The following SLC24A3 variants were observed in gnomAD, a reference collection of about 807,000 sequenced individuals.
SLC24A3 encodes the protein sodium/potassium/calcium exchanger 3.
A neutral mutation model predicts 75.8 loss-of-function variants in SLC24A3; 28 were observed. The observed-to-expected ratio is 0.37, with a 90% confidence interval of 0.27 to 0.51. SLC24A3 has a LOEUF of 0.51. Among genes scored for constraint, SLC24A3 ranks in the 20% least tolerant of loss-of-function variants. SLC24A3 has a pLI of 0.94. For missense variants in SLC24A3, 663 were observed against 847.8 expected (o/e 0.78, Z 2.71); for synonymous variants, 372 against 334.1 (o/e 1.11, Z -1.24).
intron 15 of SLC24A3, among the ~76,000 whole-genome samples, chr20:19,701,599 G>T (rs147432116): frequency 6.6e-6 from 1 of 152,230 alleles, no homozygotes; most frequent in African/African-American, 2.4e-5. Context: ...ACGTGACAAG[G>T]ATGCCAATGA....
chr20:19,437,502 T>A (rs1600229948), intron 2 of SLC24A3, among the ~76,000 whole-genome samples: 1 of 152,098 alleles, frequency 6.6e-6, no homozygotes, highest in South Asian at 2.1e-4. Context: ...CTTATAGCAA[T>A]GTGAAAATGG....
chr20:19,620,895 G>C (rs1436499251), intron 6 of SLC24A3, among the ~76,000 whole-genome samples: 1 of 152,160 alleles, frequency 6.6e-6, no homozygotes, highest in East Asian at 1.9e-4. Flanking sequence ...GCAAAGCCCA[G>C]ACATTTTTCA....
chr20:19,364,580 G>A (rs1377434598), intron 2 of SLC24A3, among the ~76,000 whole-genome samples: 7 of 152,020 alleles, frequency 4.6e-5, no homozygotes, highest in Non-Finnish European at 1.0e-4. Context: ...TCAGCCTCCC[G>A]AGTAGCTAGG....
chr20:19,699,632 T>G (rs1399016380), intron 15 of SLC24A3, among the ~76,000 whole-genome samples: 1 of 152,212 alleles, frequency 6.6e-6, no homozygotes, highest in Admixed American at 6.5e-5. Flanking sequence ...CAGATTACAT[T>G]CATGGCTAAG....
chr20:19,268,601 G>A (rs565523678), intron 1 of SLC24A3, among the ~76,000 whole-genome samples: 2 of 152,324 alleles, frequency 1.3e-5, no homozygotes, highest in Admixed American at 6.5e-5. Flanking sequence ...TCTGAGACTA[G>A]AAACCCAAAT....
intron 2 of SLC24A3, among the ~76,000 whole-genome samples, chr20:19,510,620 G>C (rs560743043): frequency 6.6e-6 from 1 of 152,178 alleles, no homozygotes; most frequent in Non-Finnish European, 1.5e-5. Flanking sequence ...AGGTGTAAGA[G>C]TGGGACCCCA....
chr20:19,697,846 T>A (rs1274320851), intron 14 of SLC24A3, among the ~76,000 whole-genome samples: 3 of 152,118 alleles, frequency 2.0e-5, no homozygotes, highest in Non-Finnish European at 4.4e-5. Flanking sequence ...AATGGTTGAG[T>A]TTATTCCTTT....
intron 1 of SLC24A3, among the ~76,000 whole-genome samples, chr20:19,248,843 C>T (rs956937132): frequency 3.3e-5 from 5 of 151,112 alleles, no homozygotes; most frequent in African/African-American, 1.2e-4. Flanking sequence ...GTTGTGACAA[C>T]ATGGATGAAC....
At chr20:19,239,682 C>G (rs1214061865) in intron 1 of SLC24A3, among the ~76,000 whole-genome samples, 1 of 152,192 alleles carries the variant, frequency 6.6e-6, no homozygotes, top group Non-Finnish European at 1.5e-5. Flanking sequence ...AGCAGGTAAC[C>G]AATTTGATCC....
In SLC24A3 at chr20:19,681,832, C is replaced by T. The variant is rs1188606470; in HGVS notation, c.768-26C>T. 5 of 1,613,752 alleles carry T rather than the reference C, an allele frequency of 3.1e-6. No individual in the cohort carries two copies. The South Asian group carries it at 3.3e-5, about 11-fold the overall frequency. On this transcript the variant is annotated intron_variant, in intron 9 of 16. Transcript: ENST00000328041. Reference sequence around the variant, plus strand: ...TGGGAGAATGGAAAACACTGATGGACTCTGCCCACTTGTCGCTTTGCTCAG... The same window carrying T: ...TGGGAGAATGGAAAACACTGATGGATTCTGCCCACTTGTCGCTTTGCTCAG...
At position 19,346,093 on chromosome 20, in the gene SLC24A3, A is replaced by ATGGTG. The variant is rs1568595597; in HGVS notation, c.271+65007_271+65008insGGTGT. ...TATATATATATATATATATATATAT[A>ATGGTG]TATATATATATATATGGTGTGTGTG... On this transcript the variant is annotated intron_variant, in intron 2 of 16. Transcript: ENST00000328041. Among the ~76,000 whole-genome samples the ATGGTG allele has an allele frequency of 1.4e-3, 102 of 72,138 alleles. 23 individuals are homozygous for ATGGTG. Among genetic ancestry groups the ATGGTG allele is most frequent in the African/African-American group, 0.012 (101 of 8,378 alleles). 47.3% of individuals were successfully genotyped at this position (72,138 alleles called of 152,430 possible).
intron 2 of SLC24A3, among the ~76,000 whole-genome samples, chr20:19,464,272 C>G (rs3790220): frequency 0.016 from 2,497 of 152,354 alleles, 69 homozygotes; most frequent in East Asian, 0.1. Context: ...GGCTCTGGCT[C>G]ATGACTTCCT....
chr20:19,643,658 G>A lies in SLC24A3; in HGVS notation c.613-10404G>A, dbSNP rs938391833. ...GTAATAATGTATGTAATTTTAGGCA[G>A]GGTCTTACTTCCAAAGCTTAAACTC... On this transcript the variant is annotated intron_variant, in intron 6 of 16. Transcript: ENST00000328041. Among the ~76,000 whole-genome samples, 5 of 152,162 alleles carry A rather than the reference G, an allele frequency of 3.3e-5. 1 individual carries two copies. The highest frequency in any genetic ancestry group is 1.2e-4 in the African/African-American group (5 of 41,428).
chr20:19,479,841 T>C (rs992405363), intron 2 of SLC24A3, among the ~76,000 whole-genome samples: 1 of 152,188 alleles, frequency 6.6e-6, no homozygotes, highest in African/African-American at 2.4e-5. Flanking sequence ...CCATGAATGC[T>C]TAAGGCACAT....
intron 2 of SLC24A3, among the ~76,000 whole-genome samples, chr20:19,361,822 G>T (rs2122341323): frequency 6.6e-6 from 1 of 152,276 alleles, no homozygotes; most frequent in South Asian, 2.1e-4. Flanking sequence ...GAATCTAGGT[G>T]CTGGGTAACA....
At chr20:19,529,183 A>ATG (rs774616249) in intron 3 of SLC24A3, among the ~76,000 whole-genome samples, 3 of 151,972 alleles carry the variant, frequency 2.0e-5, no homozygotes, top group East Asian at 1.9e-4. Context: ...GTGTGTATAT[A>ATG]TGTGTGTGTG....
At chr20:19,280,200 C>A (rs1039679063) in intron 1 of SLC24A3, among the ~76,000 whole-genome samples, 2 of 152,180 alleles carry the variant, frequency 1.3e-5, no homozygotes, top group Non-Finnish European at 2.9e-5. Context: ...TTTCTTCTGG[C>A]ACCTCCAACC....
At chr20:19,269,369 C>T (rs1328969746) in intron 1 of SLC24A3, among the ~76,000 whole-genome samples, 1 of 152,218 alleles carries the variant, frequency 6.6e-6, no homozygotes, top group African/African-American at 2.4e-5. Context: ...AACCACTCAC[C>T]TACCAGATGT....
At chr20:19,222,801 C>CTTCCTTCCTTCCTTCG (rs1981760182) in intron 1 of SLC24A3, among the ~76,000 whole-genome samples, 1 of 143,164 alleles carries the variant, frequency 7.0e-6, no homozygotes, top group African/African-American at 2.6e-5. Flanking sequence ...TCCTTCCTTC[C>CTTCCTTCCTTCCTTCG]TTCCTTCCTT....
Sources: gnomAD v4.1 joint callset for allele counts (sites outside exome capture counted in the v4.1 genomes callset) on GRCh38, gnomAD v4.1.1 for gene constraint, MANE v1.5 for transcripts, NCBI Gene and HGNC (gene_info 2026-07-23, HGNC 2026-07-21) for gene names.